Variants in SV2C observed in about 807,000 individuals in gnomAD.
SV2C encodes the protein synaptic vesicle glycoprotein 2C, also known as solute carrier family 22 member B3.
A neutral mutation model predicts 79.7 loss-of-function variants in SV2C; 49 were observed. The observed-to-expected ratio is 0.61, with a 90% CI of 0.49 to 0.78. The LOEUF is 0.78. SV2C is among the 30% of genes least tolerant of loss of function. SV2C has a pLI of 0.00. For synonymous variants in SV2C, 334 were observed against 333.2 expected (o/e 1.00, Z -0.03); for missense variants, 833 against 912.9 (o/e 0.91, Z 1.13).
chr5:76,129,737 C>T (rs1375710641), intron 1 of SV2C, among the ~76,000 whole-genome samples: 4 of 152,098 alleles, frequency 2.6e-5, no homozygotes, highest in Non-Finnish European at 5.9e-5. Flanking sequence ...TTCTTGGAAA[C>T]AGCTATGGCA....
At chr5:76,026,201 AACACACACAC>A in the SV2C span, among the ~76,000 whole-genome samples, 1,807 of 140,136 alleles carry the variant, frequency 0.013, 45 homozygotes, top group Non-Finnish European at 0.014. Context: ...CAAATTTACA[AACACACACAC>A]ACACACACAC....
the SV2C span, among the ~76,000 whole-genome samples, chr5:76,061,564 A>G: frequency 2.2e-4 from 33 of 152,268 alleles, no homozygotes; most frequent in South Asian, 6.8e-3. Flanking sequence ...AGATAAAGAT[A>G]AAATTCTGTC....
the SV2C span, among the ~76,000 whole-genome samples, chr5:75,971,862 T>C: frequency 1.5e-3 from 223 of 151,990 alleles, 1 homozygote; most frequent in Non-Finnish European, 2.5e-3. Context: ...GAGCCCACAT[T>C]GCCAAGTCAA....
chr5:76,291,925 G>T, intron 8 of SV2C, 69 bp downstream of exon 8: 1 of 1,199,372 alleles, frequency 8.3e-7, no homozygotes, highest in Non-Finnish European at 1.2e-6. Context: ...TAGCCATGCT[G>T]CTTTCTTTTC....
intron 2 of SV2C, among the ~76,000 whole-genome samples, chr5:76,152,749 C>A (rs1742585099): frequency 6.6e-6 from 1 of 152,192 alleles, no homozygotes; most frequent in Admixed American, 6.5e-5. Context: ...CTGTGGGTTT[C>A]TGCTGGATCA....
chr5:76,007,209 A>G, the SV2C span, among the ~76,000 whole-genome samples: 6 of 151,778 alleles, frequency 4.0e-5, no homozygotes, highest in African/African-American at 1.2e-4. Context: ...CTTGGCCTCT[A>G]AAGTTTTCAT....
At chr5:75,884,316 C>T in the SV2C span, among the ~76,000 whole-genome samples, 3 of 152,228 alleles carry the variant, frequency 2.0e-5, no homozygotes, top group East Asian at 3.9e-4. Flanking sequence ...TGCCATTTTG[C>T]TTGATTGCAC....
intron 1 of SV2C, among the ~76,000 whole-genome samples, chr5:76,111,323 C>G (rs923528270): frequency 7.9e-5 from 12 of 151,962 alleles, no homozygotes; most frequent in Non-Finnish European, 1.5e-4. Context: ...TCTAGACCTG[C>G]CTGTCTTAAG....
chr5:75,921,347 C>T, the SV2C span: 3 of 1,040,290 alleles, frequency 2.9e-6, no homozygotes, highest in Non-Finnish European at 3.0e-6. Flanking sequence ...CACATGCTGC[C>T]TGCTGCTGTC....
chr5:75,980,961 G>T, the SV2C span, among the ~76,000 whole-genome samples: 417 of 152,238 alleles, frequency 2.7e-3, no homozygotes, highest in African/African-American at 9.6e-3. Flanking sequence ...TAGCTAGAAA[G>T]CCCCATACTC....
the SV2C span, among the ~76,000 whole-genome samples, chr5:76,017,446 C>CGT: frequency 6.6e-6 from 1 of 152,048 alleles, no homozygotes; most frequent in South Asian, 2.1e-4. Flanking sequence ...ACCACCATAC[C>CGT]AGGCTAATTT....
chr5:76,286,250 C>T (rs977228122), intron 6 of SV2C, among the ~76,000 whole-genome samples: 4 of 152,102 alleles, frequency 2.6e-5, no homozygotes, highest in African/African-American at 9.7e-5. Context: ...GTTCAGTACC[C>T]GAGGACAAGA....
chr5:76,194,496 C>G (rs2112326805), intron 2 of SV2C, among the ~76,000 whole-genome samples: 1 of 152,316 alleles, frequency 6.6e-6, no homozygotes, highest in African/African-American at 2.4e-5. Context: ...CAGGAGGAAT[C>G]TCCATTGAGA....
At chr5:75,959,357 T>G in the SV2C span, among the ~76,000 whole-genome samples, 62 of 152,130 alleles carry the variant, frequency 4.1e-4, no homozygotes, top group Non-Finnish European at 6.9e-4. Context: ...ACATTTCAGT[T>G]AAGATCAGAA....
chr5:76,282,440 G>C (rs1297334288), intron 4 of SV2C, among the ~76,000 whole-genome samples: 1 of 152,190 alleles, frequency 6.6e-6, no homozygotes, highest in Non-Finnish European at 1.5e-5. Flanking sequence ...AGCTCTTTTT[G>C]TAACAAATTG....
At chr5:76,212,623 C>T (rs1744799278) in intron 4 of SV2C, among the ~76,000 whole-genome samples, 1 of 152,296 alleles carries the variant, frequency 6.6e-6, no homozygotes, top group African/African-American at 2.4e-5. Context: ...CCTGGTCCTC[C>T]CTTCCCATCA....
At chr5:76,225,919 A>C (rs1422407813) in intron 4 of SV2C, among the ~76,000 whole-genome samples, 1 of 152,214 alleles carries the variant, frequency 6.6e-6, no homozygotes, top group East Asian at 1.9e-4. Flanking sequence ...GCCTGGCCCC[A>C]TGCTGGAAGC....
chr5:76,276,657 G>A (rs1197873683), intron 4 of SV2C, among the ~76,000 whole-genome samples: 1 of 141,466 alleles, frequency 7.1e-6, no homozygotes, highest in Non-Finnish European at 1.5e-5. Context: ...TTTTTTTTGA[G>A]ACAGCATCTC....
upstream of SV2C, among the ~76,000 whole-genome samples, chr5:76,082,813 G>A (rs749305528): frequency 7.2e-5 from 11 of 152,110 alleles, no homozygotes; most frequent in Non-Finnish European, 1.3e-4. Context: ...TTCCAGCGTC[G>A]GGGTGGGGGC....
Sources: gnomAD v4.1 joint callset for allele counts (sites outside exome capture counted in the v4.1 genomes callset) on GRCh38, gnomAD v4.1.1 for gene constraint, MANE v1.5 for transcripts, NCBI Gene and HGNC (gene_info 2026-07-23, HGNC 2026-07-21) for gene names.